Variants in FGGY observed in about 807,000 individuals in gnomAD.
FGGY encodes FGGY carbohydrate kinase domain containing.
FGGY carries 72 observed loss-of-function variants against 71.3 expected under a neutral mutation model. The observed-to-expected ratio is 1.01, with a 90% CI of 0.84 to 1.23. The LOEUF is 1.23. Among genes scored for constraint, FGGY ranks in the 50% most tolerant of loss-of-function variants. The probability of loss-of-function intolerance (pLI) is 0.00; values close to 1 mark genes in which losing one functional copy is unlikely to be tolerated. For missense variants in FGGY, 668 were observed against 682.3 expected (o/e 0.98, Z 0.23); for synonymous variants, 251 against 250.3 (o/e 1.00, Z -0.02).
chr1:59,708,615 T>G (rs915894267), intron 14 of FGGY, among the ~76,000 whole-genome samples: 1 of 152,128 alleles, frequency 6.6e-6, no homozygotes, highest in African/African-American at 2.4e-5. Flanking sequence ...TTATGTGAGG[T>G]GGGTAGATAT....
intron 6 of FGGY, among the ~76,000 whole-genome samples, chr1:59,472,691 C>T (rs957625485): frequency 1.8e-4 from 27 of 152,286 alleles, no homozygotes; most frequent in African/African-American, 6.5e-4. Context: ...ATGCACCAGT[C>T]CACACTCTGT....
chr1:59,522,098 T>G (rs1471527383), intron 7 of FGGY, among the ~76,000 whole-genome samples: 1 of 152,260 alleles, frequency 6.6e-6, no homozygotes, highest in Non-Finnish European at 1.5e-5. Context: ...ACTTGACTAT[T>G]CACTATTGTG....
chr1:59,363,961 T>A (rs1469769389), intron 4 of FGGY, among the ~76,000 whole-genome samples: 1 of 152,144 alleles, frequency 6.6e-6, no homozygotes, highest in Non-Finnish European at 1.5e-5. Context: ...GCAACAGTGG[T>A]GTAAATGAAC....
At chr1:59,313,854 T>A (rs961258429) in intron 1 of FGGY, among the ~76,000 whole-genome samples, 1 of 152,158 alleles carries the variant, frequency 6.6e-6, no homozygotes, top group Non-Finnish European at 1.5e-5. Flanking sequence ...ACAAAGTTCA[T>A]TGTATACTGC....
chr1:59,755,947 G>A (rs2098286599), intron 14 of FGGY: 1 of 152,188 alleles, frequency 6.6e-6, no homozygotes, highest in African/African-American at 2.4e-5. Flanking sequence ...GAGACGAAAA[G>A]GACAAAATAA....
chr1:59,758,518 T>A (rs527886199), intron 15 of FGGY, among the ~76,000 whole-genome samples: 6 of 152,212 alleles, frequency 3.9e-5, no homozygotes, highest in Admixed American at 3.3e-4. Context: ...AACAACGGGA[T>A]AAGTTCCACA....
At chr1:59,376,018 G>A (rs1423117928) in intron 4 of FGGY, among the ~76,000 whole-genome samples, 1 of 151,328 alleles carries the variant, frequency 6.6e-6, no homozygotes, top group African/African-American at 2.4e-5. Flanking sequence ...GAAAGAGGCT[G>A]CCTTTTCTCC....
chr1:59,696,114 G>A (rs894677016), intron 14 of FGGY, among the ~76,000 whole-genome samples: 1 of 152,146 alleles, frequency 6.6e-6, no homozygotes, highest in African/African-American at 2.4e-5. Flanking sequence ...TGTGAGTTCT[G>A]CTGGTTCAAA....
intron 5 of FGGY, among the ~76,000 whole-genome samples, chr1:59,413,380 A>G (rs1030137470): frequency 1.2e-4 from 19 of 152,234 alleles, no homozygotes; most frequent in Admixed American, 1.2e-3. Context: ...ATGGATGAGT[A>G]CATGGGAGAA....
intron 5 of FGGY, among the ~76,000 whole-genome samples, chr1:59,409,857 C>T (rs942600755): frequency 6.6e-6 from 1 of 152,054 alleles, no homozygotes; most frequent in Non-Finnish European, 1.5e-5. Flanking sequence ...TTGTTTTATG[C>T]AATATGCATC....
intron 9 of FGGY, among the ~76,000 whole-genome samples, chr1:59,624,835 C>G (rs1187833105): frequency 6.6e-6 from 1 of 152,128 alleles, no homozygotes; most frequent in Non-Finnish European, 1.5e-5. Context: ...ATGGGAGTTA[C>G]AATTCAAGAT....
intron 9 of FGGY, among the ~76,000 whole-genome samples, chr1:59,613,187 G>C (rs995879082): frequency 6.6e-6 from 1 of 152,148 alleles, no homozygotes; most frequent in Non-Finnish European, 1.5e-5. Flanking sequence ...CAAATCAACA[G>C]AATATACATT....
intron 5 of FGGY, among the ~76,000 whole-genome samples, chr1:59,434,952 T>C (rs1329319832): frequency 6.6e-6 from 1 of 152,184 alleles, no homozygotes; most frequent in Non-Finnish European, 1.5e-5. Flanking sequence ...CCAATTTAAG[T>C]CTTCAGACAA....
intron 5 of FGGY, among the ~76,000 whole-genome samples, chr1:59,405,723 C>G (rs940249371): frequency 1.3e-5 from 2 of 152,042 alleles, no homozygotes; most frequent in African/African-American, 4.8e-5. Context: ...TTTAGCCTAC[C>G]CCCCAGTCGA....
At chr1:59,637,208 A>G (rs1034181894) in intron 10 of FGGY, among the ~76,000 whole-genome samples, 4 of 152,190 alleles carry the variant, frequency 2.6e-5, no homozygotes, top group Non-Finnish European at 5.9e-5. Flanking sequence ...GAGAGGTAGT[A>G]TCAAGATTTG....
intron 8 of FGGY, among the ~76,000 whole-genome samples, chr1:59,583,933 G>T (rs1247207285): frequency 6.8e-6 from 1 of 146,782 alleles, no homozygotes; most frequent in Non-Finnish European, 1.5e-5. Context: ...CTGCTCGGAA[G>T]TGTCGACGGC....
chr1:59,520,927 G>T (rs117742040), intron 7 of FGGY, among the ~76,000 whole-genome samples: 1 of 151,788 alleles, frequency 6.6e-6, no homozygotes, highest in Non-Finnish European at 1.5e-5. Context: ...ACCGTGCTGC[G>T]CAGGAGCCAG....
intron 14 of FGGY, among the ~76,000 whole-genome samples, chr1:59,686,378 G>A (rs981020628): frequency 3.3e-5 from 5 of 152,186 alleles, no homozygotes; most frequent in African/African-American, 1.2e-4. Flanking sequence ...AACAGATGTT[G>A]AAGCATATCA....
At chr1:59,571,276 T>C (rs912440473) in intron 8 of FGGY, among the ~76,000 whole-genome samples, 1 of 152,248 alleles carries the variant, frequency 6.6e-6, no homozygotes, top group Non-Finnish European at 1.5e-5. Context: ...TCTGTGTTCA[T>C]GTCCAAAAGA....
Sources: allele counts gnomAD v4.1 joint callset (sites outside exome capture counted in the v4.1 genomes callset), GRCh38; gene constraint gnomAD v4.1.1; transcripts MANE v1.5; gene names NCBI Gene and HGNC (gene_info 2026-07-23, HGNC 2026-07-21).